ASAP3: variants seen among roughly 807,000 people sequenced by gnomAD.
ASAP3 encodes arf-GAP with SH3 domain, ANK repeat and PH domain-containing protein 3.
A neutral mutation model predicts 118.2 loss-of-function variants in ASAP3; 85 were observed. The ratio of observed to expected loss-of-function variants is 0.72; its 90% CI spans 0.60 to 0.86. The LOEUF (loss-of-function observed/expected upper bound fraction) is 0.86. Among genes scored for constraint, ASAP3 ranks in the 40% least tolerant of loss-of-function variants. ASAP3 has a pLI of 0.00. For synonymous variants in ASAP3, 432 were observed against 477.4 expected (o/e 0.90, Z 1.24); for missense variants, 1,026 against 1,175.0 (o/e 0.87, Z 1.85).
At chr1:23,476,870 G>GT (rs746892775) in intron 1 of ASAP3, among the ~76,000 whole-genome samples, 89 of 145,896 alleles carry the variant, frequency 6.1e-4, no homozygotes, top group East Asian at 1.0e-3. Flanking sequence ...CTCCTTTTTA[G>GT]TTTTTTTTTT....
At chr1:23,444,431 G>C (rs1018015573) in intron 5 of ASAP3, among the ~76,000 whole-genome samples, 3 of 152,232 alleles carry the variant, frequency 2.0e-5, no homozygotes, top group Non-Finnish European at 4.4e-5. Context: ...GCTCTCAAGT[G>C]GGGGCCAGCC....
chr1:23,479,439 T>C (rs1642238891), intron 1 of ASAP3, among the ~76,000 whole-genome samples: 1 of 152,142 alleles, frequency 6.6e-6, no homozygotes, highest in African/African-American at 2.4e-5. Flanking sequence ...CTCAATATTC[T>C]TCTCTGACGA....
intron 10 of ASAP3, 28 bp downstream of exon 10, chr1:23,441,074 C>A: frequency 6.2e-7 from 1 of 1,607,262 alleles, no homozygotes; most frequent in Non-Finnish European, 8.5e-7. Context: ...TGACATTGGG[C>A]AAATTATGTA....
At chr1:23,452,016 T>C (rs1047211174) in intron 4 of ASAP3, among the ~76,000 whole-genome samples, 5 of 152,192 alleles carry the variant, frequency 3.3e-5, no homozygotes, top group African/African-American at 1.2e-4. Flanking sequence ...CCCCAGGCCA[T>C]ACAGCAAACC....
At chr1:23,444,979 T>A (rs1350548296) in intron 5 of ASAP3, among the ~76,000 whole-genome samples, 3 of 148,162 alleles carry the variant, frequency 2.0e-5, no homozygotes, top group South Asian at 2.1e-4. Context: ...TTTTTTTTTT[T>A]AATTTTAAAG....
chr1:23,432,016 T>A (rs1640455446), intron 22 of ASAP3, 98 bp from the exon 23 acceptor site: 1 of 1,190,764 alleles, frequency 8.4e-7, no homozygotes, highest in Non-Finnish European at 1.2e-6. Context: ...TTTTTTTTTT[T>A]TTTTTTTTGA....
chr1:23,435,824 A>T, intron 17 of ASAP3, 27 bp downstream of exon 17: 1 of 1,613,996 alleles, frequency 6.2e-7, no homozygotes, highest in African/African-American at 1.3e-5. Context: ...CAGGTGGGTT[A>T]TAAGTGGCCC....
chr1:23,437,079 G>A lies in ASAP3; in HGVS notation c.1343-35C>T. 6.2e-7 allele frequency: 1 copy of A among 1,602,472 alleles called. No homozygotes were observed. Among genetic ancestry groups the A allele is most frequent in the Non-Finnish European group, 8.5e-7 (1 of 1,174,410 alleles). The stretch of plus-strand genomic sequence containing the variant: ...AAAGCAGCTGGAGCCTGGAGGTGCA[G>A]CCCCTCCCCTCCACTTAAGCCTCCC... On this transcript the variant is annotated intron_variant, in intron 14 of 24. Transcript: ENST00000336689. The surrounding 1 kb of genome is among the most constrained non-coding windows in gnomAD (Gnocchi z 6.1).
chr1:23,448,003 A>G (rs1030969984), intron 5 of ASAP3, among the ~76,000 whole-genome samples: 7 of 152,204 alleles, frequency 4.6e-5, no homozygotes, highest in African/African-American at 1.4e-4. Flanking sequence ...ATAAAATAAC[A>G]AGTCCCATTC....
intron 3 of ASAP3, among the ~76,000 whole-genome samples, chr1:23,454,378 G>A (rs543134594): frequency 6.6e-6 from 1 of 152,266 alleles, no homozygotes. Flanking sequence ...CGCAAAGACA[G>A]TTTCACCATG....
chr1:23,464,881 A>C (rs754856915), intron 1 of ASAP3, among the ~76,000 whole-genome samples: 1 of 152,060 alleles, frequency 6.6e-6, no homozygotes, highest in Non-Finnish European at 1.5e-5. Flanking sequence ...GGTGATTCTA[A>C]TGCATGCTAA....
chr1:23,480,843 G>A (rs1374978171), intron 1 of ASAP3, among the ~76,000 whole-genome samples: 2 of 152,194 alleles, frequency 1.3e-5, no homozygotes, highest in Non-Finnish European at 2.9e-5. Flanking sequence ...AAGACAGGAA[G>A]AGGCTGGTTG....
chr1:23,455,853 C>A (rs759682974), intron 3 of ASAP3, 28 bp downstream of exon 3: 1 of 1,612,864 alleles, frequency 6.2e-7, no homozygotes. Context: ...TACCCTGAGT[C>A]TGGGCAAGGA....
At chr1:23,435,544 A>T (rs1209136218) in intron 17 of ASAP3, among the ~76,000 whole-genome samples, 1 of 152,216 alleles carries the variant, frequency 6.6e-6, no homozygotes, top group Non-Finnish European at 1.5e-5. Flanking sequence ...TTGTACACTA[A>T]GCCCTTTATA....
chr1:23,437,349 G>T lies in ASAP3; in HGVS notation c.1152-29C>A. The T allele has an allele frequency of 6.2e-7, 1 of 1,609,044 alleles. No individual in the cohort carries two copies. The highest frequency in any genetic ancestry group is 8.5e-7 in the Non-Finnish European group (1 of 1,176,778). ...CGGAGATTGAACGGGGTGGGATGGG[G>T]ATGTCAAGTGGGAAGAGATAGGGCC... is the stretch of plus-strand genomic sequence containing the variant. On this transcript the variant is annotated intron_variant, in intron 13 of 24. Transcript: ENST00000336689. The surrounding 1 kb of genome is among the most constrained non-coding windows in gnomAD (Gnocchi z 6.1).
Position 23,433,467 on chromosome 1 carries a change from G to C in ASAP3, c.2085C>G (p.Ser695=). 6.2e-7 allele frequency: 1 copy of C among 1,614,206 alleles called. No individual in the cohort carries two copies. The highest frequency in any genetic ancestry group is 8.5e-7 in the Non-Finnish European group (1 of 1,180,042). ...PLHVDYSWVI[S]TEPGSDSEED... is the part of the protein sequence containing the mutation. ...CCTCACTGTCAGAGCCAGGCTCTGT[G>C]GAAATTACCCAGGAGTAGTCCACAT... is the stretch of plus-strand genomic sequence containing the variant. The change falls in exon 21 of 25, where the codon TCC becomes TCG. Residue 695 remains serine, a synonymous_variant. Coordinates refer to ENST00000336689, the MANE Select transcript of ASAP3 (RefSeq NM_017707.4).
intron 1 of ASAP3, among the ~76,000 whole-genome samples, chr1:23,469,676 A>G (rs1416084526): frequency 6.6e-6 from 1 of 152,072 alleles, no homozygotes; most frequent in African/African-American, 2.4e-5. Flanking sequence ...CCACTAACTG[A>G]CTGCTCACTT....
chr1:23,432,393 G>T (rs1226263090), intron 22 of ASAP3, among the ~76,000 whole-genome samples: 1 of 152,074 alleles, frequency 6.6e-6, no homozygotes, highest in Non-Finnish European at 1.5e-5. Flanking sequence ...CTTTGTTCGC[G>T]GTGGCCAGGG....
In ASAP3 at chr1:23,436,975, A is replaced by C. The variant is rs1640686665; in HGVS notation, c.1412T>G (p.Leu471Arg). The C allele has an allele frequency of 6.2e-7, 1 of 1,612,412 alleles. No individual in the cohort carries two copies. Among genetic ancestry groups the C allele is most frequent in the African/African-American group, 1.3e-5 (1 of 74,898 alleles). ...CIQCSGVHRE[L>R]GVRFSRMQSL... Reference sequence around the variant, plus strand: ...CTGCATGCGCGAAAAGCGCACGCCCAGTTCGCGGTGGACGCCCGAGCACTG... The same window carrying C: ...CTGCATGCGCGAAAAGCGCACGCCCCGTTCGCGGTGGACGCCCGAGCACTG... Residue 471 changes from leucine to arginine, a missense_variant, in exon 15 of 25, where the codon CTG (leucine) becomes CGG (arginine). By Grantham distance (102) the Leu-to-Arg change is moderately radical (BLOSUM62 -2). Transcript: ENST00000336689. This position sits in a 1 kb window ranked among gnomAD's most constrained non-coding sequence, Gnocchi z 4.2.
Sources: allele counts gnomAD v4.1 joint callset (sites outside exome capture counted in the v4.1 genomes callset), GRCh38; gene constraint gnomAD v4.1.1; non-coding constraint Gnocchi (gnomAD v3.1); transcripts MANE v1.5; gene names NCBI Gene and HGNC (gene_info 2026-07-23, HGNC 2026-07-21).